The following SORCS1 variants were observed in gnomAD, a reference collection of about 807,000 sequenced individuals.
The protein encoded by SORCS1 is sortilin related VPS10 domain containing receptor 1.
A neutral mutation model predicts 146.1 loss-of-function variants in SORCS1; 60 were observed. The ratio of observed to expected loss-of-function variants is 0.41; its 90% CI spans 0.33 to 0.51. The LOEUF (loss-of-function observed/expected upper bound fraction) is 0.51, where lower values mean the gene tolerates loss of function less well. SORCS1 is among the 20% of genes least tolerant of loss of function. The probability of loss-of-function intolerance (pLI) is 0.21; values close to 1 mark genes in which losing one functional copy is unlikely to be tolerated. For synonymous variants in SORCS1, 637 were observed against 584.0 expected (o/e 1.09, Z -1.31); for missense variants, 1,352 against 1,487.6 (o/e 0.91, Z 1.50).
At chr10:106,592,101 C>A (rs1845637155) in intron 24 of SORCS1, among the ~76,000 whole-genome samples, 1 of 152,226 alleles carries the variant, frequency 6.6e-6, no homozygotes, top group South Asian at 2.1e-4. Context: ...CCTCCCTCAA[C>A]CTTCTGGATA....
At chr10:106,702,395 A>C (rs1854200808) in intron 8 of SORCS1, among the ~76,000 whole-genome samples, 1 of 152,244 alleles carries the variant, frequency 6.6e-6, no homozygotes, top group Admixed American at 6.5e-5. Flanking sequence ...GAATCTCTGC[A>C]CTGGTGAACC....
chr10:106,749,581 C>T (rs1047544570), intron 5 of SORCS1, among the ~76,000 whole-genome samples: 31 of 152,144 alleles, frequency 2.0e-4, no homozygotes, highest in Non-Finnish European at 8.8e-5. Context: ...TGAGAAGCTA[C>T]AAATAAAACC....
At chr10:106,712,192 A>G (rs1589717327) in intron 6 of SORCS1, among the ~76,000 whole-genome samples, 2 of 152,218 alleles carry the variant, frequency 1.3e-5, no homozygotes, top group South Asian at 4.1e-4. Flanking sequence ...TCTCCCTGGC[A>G]AACTAAAATT....
chr10:106,883,648 C>T (rs556794840), intron 2 of SORCS1, among the ~76,000 whole-genome samples: 3 of 152,262 alleles, frequency 2.0e-5, no homozygotes, highest in Middle Eastern at 3.4e-3. Context: ...CTCCTGACCT[C>T]GTGATCCACC....
intron 2 of SORCS1, among the ~76,000 whole-genome samples, chr10:106,913,329 A>C (rs1179318190): frequency 6.6e-6 from 1 of 152,258 alleles, no homozygotes; most frequent in African/African-American, 2.4e-5. Flanking sequence ...ATTGATGAAC[A>C]CTGTGGCTGG....
intron 2 of SORCS1, among the ~76,000 whole-genome samples, chr10:106,864,154 G>C (rs1419058629): frequency 6.6e-6 from 1 of 152,186 alleles, no homozygotes; most frequent in Non-Finnish European, 1.5e-5. Flanking sequence ...GGCTGTCATG[G>C]AGAAAAATGA....
intron 1 of SORCS1, among the ~76,000 whole-genome samples, chr10:106,959,394 TTC>T (rs1955117329): frequency 1.3e-5 from 2 of 152,222 alleles, no homozygotes; most frequent in South Asian, 2.1e-4. Flanking sequence ...TATTTGAGAT[TTC>T]TTTTTCTTTT....
At chr10:106,805,267 T>C (rs989444988) in intron 3 of SORCS1, among the ~76,000 whole-genome samples, 1 of 152,216 alleles carries the variant, frequency 6.6e-6, no homozygotes, top group East Asian at 1.9e-4. Flanking sequence ...GAGAGTCTGA[T>C]AAGGATCCTA....
chr10:107,064,564 C>T (rs17122022), intron 1 of SORCS1, among the ~76,000 whole-genome samples: 2,464 of 152,296 alleles, frequency 0.016, 25 homozygotes, highest in South Asian at 0.028. Context: ...ATCTTGTATA[C>T]TGACCTGCAT....
chr10:106,944,364 C>T (rs1269102809), intron 2 of SORCS1, among the ~76,000 whole-genome samples: 8 of 152,156 alleles, frequency 5.3e-5, no homozygotes, highest in South Asian at 4.1e-4. Context: ...CACCTAGAGG[C>T]GCCTGAAATA....
chr10:106,822,899 G>T (rs1240894739), intron 3 of SORCS1, among the ~76,000 whole-genome samples: 1 of 149,352 alleles, frequency 6.7e-6, no homozygotes, highest in Admixed American at 6.8e-5. Context: ...TCCCGCCTCA[G>T]TCTCCCAAGT....
chr10:106,721,710 T>C (rs1414940624), intron 6 of SORCS1, among the ~76,000 whole-genome samples: 1 of 152,236 alleles, frequency 6.6e-6, no homozygotes, highest in Non-Finnish European at 1.5e-5. Flanking sequence ...GAAATGTATA[T>C]AATCTCTGAC....
intron 24 of SORCS1, 147 bp downstream of exon 24, chr10:106,597,204 C>T: frequency 3.1e-6 from 2 of 652,084 alleles, no homozygotes; most frequent in Non-Finnish European, 5.3e-6. Context: ...GGCAGAAACA[C>T]CAAGCAAGGG....
rs138771146 is a variant in SORCS1, at chr10:106,950,149, T to C, written c.626+6364A>G. Among the ~76,000 whole-genome samples, 449 of 152,308 alleles carry C rather than the reference T, an allele frequency of 2.9e-3. 1 individual carries two copies. The highest frequency in any genetic ancestry group is 0.01 in the African/African-American group (423 of 41,568). On this transcript the variant is annotated intron_variant, in intron 2 of 25. Coordinates refer to ENST00000263054, the MANE Select transcript of SORCS1 (RefSeq NM_052918.5). ...TCTGCATCAAATCATCCCCCTTTCCTCTCATTTTGACTCCCTGAGTGAAGA... is the reference window on the plus strand; with the variant it reads ...TCTGCATCAAATCATCCCCCTTTCCCCTCATTTTGACTCCCTGAGTGAAGA...
At chr10:106,944,874 C>CTGTTTTTTTTTTTTTTTTT (rs1954241512) in intron 2 of SORCS1, among the ~76,000 whole-genome samples, 1 of 36,576 alleles carries the variant, frequency 2.7e-5, no homozygotes, top group Non-Finnish European at 5.0e-5. Flanking sequence ...AAAGAGCCTT[C>CTGTTTTTTTTTTTTTTTTT]TTTTTTTTTT....
intron 5 of SORCS1, among the ~76,000 whole-genome samples, chr10:106,735,299 A>T (rs1856873662): frequency 6.6e-6 from 1 of 152,194 alleles, no homozygotes; most frequent in African/African-American, 2.4e-5. Context: ...TTATTTATTC[A>T]TTTATTTAGT....
At chr10:106,671,566 A>G (rs551260084) in intron 15 of SORCS1, among the ~76,000 whole-genome samples, 199 bp from the exon 16 acceptor site, 1 of 152,330 alleles carries the variant, frequency 6.6e-6, no homozygotes, top group African/African-American at 2.4e-5. Context: ...CCTAACAATC[A>G]TTGAAGATTA....
intron 5 of SORCS1, among the ~76,000 whole-genome samples, chr10:106,742,053 T>G (rs1265008627): frequency 6.6e-6 from 1 of 152,132 alleles, no homozygotes; most frequent in East Asian, 1.9e-4. Flanking sequence ...CCTCAAATAC[T>G]TCAACTGAGA....
chr10:106,931,919 G>A (rs934059712), intron 2 of SORCS1, among the ~76,000 whole-genome samples: 1 of 152,148 alleles, frequency 6.6e-6, no homozygotes, highest in Admixed American at 6.5e-5. Context: ...GCAAATGCTG[G>A]TCATACATGC....
Sources: gnomAD v4.1 joint callset for allele counts (sites outside exome capture counted in the v4.1 genomes callset) on GRCh38, gnomAD v4.1.1 for gene constraint, MANE v1.5 for transcripts, NCBI Gene and HGNC (gene_info 2026-07-23, HGNC 2026-07-21) for gene names.